Variants in DNAH11 observed in about 807,000 individuals in gnomAD.
DNAH11 encodes the protein dynein axonemal heavy chain 11.
A neutral mutation model predicts 526.0 loss-of-function variants in DNAH11; 442 were observed. The observed-to-expected ratio is 0.84, with a 90% confidence interval of 0.78 to 0.91. The LOEUF is 0.91. Among genes scored for constraint, DNAH11 ranks in the 40% least tolerant of loss-of-function variants. The pLI, the probability that DNAH11 is intolerant of heterozygous loss-of-function variation, is 0.00. For synonymous variants in DNAH11, 2,461 were observed against 1,935.9 expected (o/e 1.27, Z -7.12); for missense variants, 6,989 against 5,448.7 (o/e 1.28, Z -8.90).
chr7:21,648,715 A>G (rs183783722), intron 28 of DNAH11, among the ~76,000 whole-genome samples: 3 of 152,328 alleles, frequency 2.0e-5, no homozygotes, highest in African/African-American at 4.8e-5. Context: ...TATGTTATGT[A>G]TTTACATATT....
At chr7:21,725,012 G>A (rs1430518583) in intron 44 of DNAH11, among the ~76,000 whole-genome samples, 1 of 30,314 alleles carries the variant, frequency 3.3e-5, no homozygotes, top group African/African-American at 1.3e-4. Context: ...GATATAGAAG[G>A]GTTTTTCTAG....
intron 55 of DNAH11, among the ~76,000 whole-genome samples, chr7:21,771,168 G>A (rs1191599352): frequency 2.6e-5 from 4 of 152,152 alleles, no homozygotes; most frequent in Non-Finnish European, 5.9e-5. Context: ...AGAGAAAATA[G>A]ATTCTTTCAC....
chr7:21,740,819 A>G (rs763219053), intron 48 of DNAH11, among the ~76,000 whole-genome samples: 2 of 152,206 alleles, frequency 1.3e-5, no homozygotes, highest in African/African-American at 4.8e-5. Flanking sequence ...CATGACAACT[A>G]TACCTTATTT....
At chr7:21,900,194 T>G (rs749860323) in intron 81 of DNAH11, 74 bp downstream of exon 81, 1 of 1,456,350 alleles carries the variant, frequency 6.9e-7, no homozygotes, top group Middle Eastern at 2.0e-4. Context: ...CTCTGCTTAC[T>G]GTTTCTCAGC....
At chr7:21,609,417 G>A (rs1162467525) in intron 20 of DNAH11, among the ~76,000 whole-genome samples, 3 of 151,932 alleles carry the variant, frequency 2.0e-5, no homozygotes, top group South Asian at 2.1e-4. Flanking sequence ...ACAGGGTTTC[G>A]CCATGTTGGC....
At chr7:21,662,963 A>C (rs527553392) in intron 30 of DNAH11, among the ~76,000 whole-genome samples, 116 of 152,008 alleles carry the variant, frequency 7.6e-4, no homozygotes, top group Non-Finnish European at 1.5e-3. Context: ...TTAATTTCTC[A>C]TCATCCACCC....
At chr7:21,742,386 A>G (rs919743682) in intron 49 of DNAH11, among the ~76,000 whole-genome samples, 2 of 152,228 alleles carry the variant, frequency 1.3e-5, no homozygotes, top group African/African-American at 4.8e-5. Flanking sequence ...GTAGAAGGTG[A>G]TGGGGAGCCA....
intron 51 of DNAH11, 122 bp downstream of exon 51, chr7:21,745,185 A>G (rs1435922189): frequency 9.0e-6 from 9 of 1,000,648 alleles, no homozygotes; most frequent in South Asian, 1.9e-5. Context: ...GCTGTTTGAC[A>G]TATAATTTTA....
chr7:21,606,869 G>A, intron 20 of DNAH11, 136 bp downstream of exon 20: 1 of 751,612 alleles, frequency 1.3e-6, no homozygotes, highest in Non-Finnish European at 2.1e-6. Context: ...CCAGTTATAA[G>A]CAATTTCCCC....
intron 40 of DNAH11, among the ~76,000 whole-genome samples, chr7:21,708,426 G>A (rs780845366): frequency 1.3e-5 from 2 of 152,150 alleles, no homozygotes; most frequent in Non-Finnish European, 2.9e-5. Context: ...TGCCACGTTA[G>A]TTGAAGCTGC....
chr7:21,705,574 A>G, intron 39 of DNAH11, 37 bp downstream of exon 39: 2 of 1,595,640 alleles, frequency 1.3e-6, no homozygotes, highest in South Asian at 1.1e-5. Context: ...AGCTATGGAA[A>G]GAACATTTGT....
intron 25 of DNAH11, among the ~76,000 whole-genome samples, chr7:21,625,808 A>G (rs1226059715): frequency 1.3e-5 from 2 of 152,056 alleles, no homozygotes; most frequent in Non-Finnish European, 2.9e-5. Flanking sequence ...TGAGTTTCCA[A>G]AATTCCTCCT....
intron 9 of DNAH11, among the ~76,000 whole-genome samples, chr7:21,584,596 A>G (rs1784423038): frequency 6.6e-6 from 1 of 152,142 alleles, no homozygotes; most frequent in Non-Finnish European, 1.5e-5. Context: ...CATGAGGATC[A>G]AATAGTTCTT....
chr7:21,612,356 C>T (rs1035705321), intron 20 of DNAH11, among the ~76,000 whole-genome samples: 6 of 151,886 alleles, frequency 4.0e-5, no homozygotes, highest in Non-Finnish European at 8.8e-5. Flanking sequence ...GAGATCGAGA[C>T]CATCCTGGCT....
intron 63 of DNAH11, among the ~76,000 whole-genome samples, chr7:21,814,647 T>A (rs888321314): frequency 6.6e-6 from 1 of 151,822 alleles, no homozygotes; most frequent in Non-Finnish European, 1.5e-5. Flanking sequence ...ATTTTTAAAA[T>A]AATGTAATTG....
At chr7:21,728,175 C>T (rs1326342353) in intron 45 of DNAH11, among the ~76,000 whole-genome samples, 1 of 151,314 alleles carries the variant, frequency 6.6e-6, no homozygotes, top group Non-Finnish European at 1.5e-5. Flanking sequence ...CCGCCTTGAC[C>T]CCCAAAATTC....
chr7:21,800,100 A>G lies in DNAH11; in HGVS notation c.10027-1037A>G, dbSNP rs539564238. Among the ~76,000 whole-genome samples the G allele has an allele frequency of 2.6e-5, 4 of 152,342 alleles. No homozygotes were observed. The East Asian group carries it at 7.7e-4, about 29-fold the overall frequency. ...GGGGACCCAAGAGATCCAGGAAACA[A>G]GAAGCTGCCATGAACTTCTCTTGGA... On this transcript the variant is annotated intron_variant, in intron 61 of 81. Transcript: ENST00000409508.
At chr7:21,785,042 T>C (rs1403726341) in intron 58 of DNAH11, among the ~76,000 whole-genome samples, 1 of 152,196 alleles carries the variant, frequency 6.6e-6, no homozygotes, top group Non-Finnish European at 1.5e-5. Flanking sequence ...TTCACATTCT[T>C]ATAAGAGAAA....
chr7:21,584,835 A>C (rs1784430537), intron 9 of DNAH11, among the ~76,000 whole-genome samples: 1 of 152,090 alleles, frequency 6.6e-6, no homozygotes, highest in South Asian at 2.1e-4. Flanking sequence ...CAGAGTCATA[A>C]AATTTTTTCT....
Sources: allele counts gnomAD v4.1 joint callset (sites outside exome capture counted in the v4.1 genomes callset), GRCh38; gene constraint gnomAD v4.1.1; transcripts MANE v1.5; gene names NCBI Gene and HGNC (gene_info 2026-07-23, HGNC 2026-07-21).